Variants in SLC38A8 observed in about 807,000 individuals in gnomAD.
SLC38A8 encodes the protein solute carrier family 38 member 8.
SLC38A8 carries 65 observed loss-of-function variants against 46.0 expected under a neutral mutation model. The observed-to-expected ratio is 1.41, with a 90% CI of 1.16 to 1.74. The LOEUF is 1.74. Among genes scored for constraint, SLC38A8 ranks in the 40% most tolerant of loss-of-function variants. The pLI is 0.00. For synonymous variants in SLC38A8, 447 were observed against 243.7 expected (o/e 1.83, Z -7.77); for missense variants, 998 against 567.9 (o/e 1.76, Z -7.70).
rs370320870 is a variant in SLC38A8, at chr16:84,031,935, G to A, written c.564C>T (p.Ala188=). The change falls in exon 5 of 11, where the codon GCC becomes GCT. Residue 188 remains alanine, a synonymous_variant. Transcript: ENST00000299709. ...GGTAGTACTGCACGGTGATGACCAG[G>A]GCCAGGTAACAGGCAGCCAGAGTGC... ...ILGTLAACYL[A]LVITVQYYLW... The A allele has an allele frequency of 2.5e-6, 4 of 1,614,110 alleles. No homozygotes were observed. Among genetic ancestry groups the A allele is most frequent in the Non-Finnish European group, 3.4e-6 (4 of 1,180,044 alleles).
At chr16:84,026,228 GTGTTT>G (rs111629379) in intron 6 of SLC38A8, among the ~76,000 whole-genome samples, 11 of 152,010 alleles carry the variant, frequency 7.2e-5, no homozygotes, top group South Asian at 2.1e-4. Flanking sequence ...GTTTCTACTG[GTGTTT>G]TGTTTTGTTT....
rs145081221 is a variant in SLC38A8, at chr16:84,021,075, G to T, written c.805+1700C>A. 9.2e-5 allele frequency among the ~76,000 whole-genome samples: 14 copies of T among 152,120 alleles called. No homozygotes were observed. The East Asian group carries it at 2.5e-3, about 27-fold the overall frequency. On this transcript the variant is annotated intron_variant, in intron 7 of 10. Coordinates refer to ENST00000299709, the MANE Select transcript of SLC38A8 (RefSeq NM_001080442.3). ...AGTTCATCCTTTTTTGCCGGCAGGGGAGGGATGACAGAGTCTCATTCTTGT... is the reference window on the plus strand; with the variant it reads ...AGTTCATCCTTTTTTGCCGGCAGGGTAGGGATGACAGAGTCTCATTCTTGT...
intron 7 of SLC38A8, among the ~76,000 whole-genome samples, chr16:84,020,586 G>T (rs1325902988): frequency 6.6e-6 from 1 of 152,226 alleles, no homozygotes; most frequent in East Asian, 1.9e-4. Context: ...GCACGAGCCA[G>T]ATCAGGGGCC....
At chr16:84,021,711 G>C (rs1276412189) in intron 7 of SLC38A8, among the ~76,000 whole-genome samples, 2 of 152,176 alleles carry the variant, frequency 1.3e-5, no homozygotes, top group African/African-American at 4.8e-5. Context: ...CCCCACTCTT[G>C]ATACCAATTT....
At chr16:84,027,355 A>G (rs751796502) in intron 6 of SLC38A8, among the ~76,000 whole-genome samples, 2 of 150,862 alleles carry the variant, frequency 1.3e-5, no homozygotes, top group Non-Finnish European at 2.9e-5. Context: ...CACAAAAGCA[A>G]AATTAAAACA....
Position 84,017,146 on chromosome 16 carries a change from A to G in SLC38A8, c.947T>C (p.Leu316Pro), listed in dbSNP as rs773967092. Residue 316 changes from leucine (L) to proline (P), a missense_variant, in exon 8 of 11, where the codon CTG (leucine) becomes CCG (proline). By Grantham distance (98) the Leu-to-Pro change is moderately conservative. Transcript: ENST00000299709. ...IVTVYPIVLFLGRSVMQDFWR... is the reference protein window; with the variant it reads ...IVTVYPIVLFPGRSVMQDFWR... ...CCACTGAGCCAGGCCTCACCTCCCC[A>G]GGAAGAGCACGATGGGGTAGACAGT... is the stretch of plus-strand genomic sequence containing the variant. 6.2e-7 allele frequency: 1 copy of G among 1,614,088 alleles called. No homozygotes were observed. Among genetic ancestry groups the G allele is most frequent in the South Asian group, 1.1e-5 (1 of 91,082 alleles).
chr16:84,034,999 G>C (rs28561995), intron 3 of SLC38A8, among the ~76,000 whole-genome samples: 89,401 of 151,980 alleles, frequency 0.59, 26,632 homozygotes, highest in East Asian at 0.85. Context: ...CTAGCACTCC[G>C]TCTCAGAAGC....
At chr16:84,018,245 T>C (rs1231938969) in intron 7 of SLC38A8, among the ~76,000 whole-genome samples, 1 of 144,398 alleles carries the variant, frequency 6.9e-6, no homozygotes, top group African/African-American at 2.6e-5. Flanking sequence ...TTTTTTTTTT[T>C]TTTTTGAGAC....
chr16:84,025,913 G>C (rs1468811647), intron 6 of SLC38A8, among the ~76,000 whole-genome samples: 1 of 152,296 alleles, frequency 6.6e-6, no homozygotes, highest in Non-Finnish European at 1.5e-5. Flanking sequence ...CAGGGGGGAC[G>C]CAACCCCTCT....
At chr16:84,022,465 C>G (rs1482261900) in intron 7 of SLC38A8, among the ~76,000 whole-genome samples, 1 of 152,206 alleles carries the variant, frequency 6.6e-6, no homozygotes, top group African/African-American at 2.4e-5. Context: ...GTCCTTTGAA[C>G]AGCAGGCAGC....
At position 84,013,434 on chromosome 16, in the gene SLC38A8, T is replaced by G. The variant is rs1473474104; in HGVS notation, c.1163-382A>C. ...TTTTGTTGTGTGTGTGTTTTTTTTT[T>G]TTTTTTTTTTTTTTTGAGACGGAGT... On this transcript the variant is annotated intron_variant, in intron 9 of 10. Transcript: ENST00000299709. Among the ~76,000 whole-genome samples the G allele has an allele frequency of 7.2e-4, 92 of 127,028 alleles. 1 individual carries two copies. The highest frequency in any genetic ancestry group is 2.0e-3 in the African/African-American group (71 of 35,396). 83.3% of individuals were successfully genotyped at this position (127,028 alleles called of 152,430 possible). A position where few individuals can be genotyped will look rare whatever the true frequency, so the allele number is the denominator to read the frequency against.
chr16:84,013,679 T>C (rs2084986281), intron 9 of SLC38A8, among the ~76,000 whole-genome samples: 1 of 151,816 alleles, frequency 6.6e-6, no homozygotes, highest in Non-Finnish European at 1.5e-5. Flanking sequence ...TCCGCCCGCC[T>C]TGGCCTCCCA....
rs79191732 is a variant in SLC38A8 at position 84,009,738 on chromosome 16, G to A, written c.*46C>T. Reference sequence around the variant, plus strand: ...CCTGGCTGCATACAGCAGCCACGTAGGGTCAGCCCCCGGAGGGCCCCTTCC... The same window carrying A: ...CCTGGCTGCATACAGCAGCCACGTAAGGTCAGCCCCCGGAGGGCCCCTTCC... On this transcript the variant is annotated 3_prime_UTR_variant, in exon 11 of 11. Transcript: ENST00000299709. 2.4e-3 allele frequency: 3,657 copies of A among 1,553,686 alleles called. 41 individuals carry two copies. In the African/African-American group the frequency reaches 0.039, roughly 16 times the overall value.
intron 7 of SLC38A8, among the ~76,000 whole-genome samples, chr16:84,021,177 C>G (rs943130531): frequency 6.6e-6 from 1 of 152,180 alleles, no homozygotes; most frequent in Non-Finnish European, 1.5e-5. Flanking sequence ...ATACTCCTGC[C>G]TCAACCTCCC....
chr16:84,018,887 G>A (rs1225052046), intron 7 of SLC38A8, among the ~76,000 whole-genome samples: 2 of 152,138 alleles, frequency 1.3e-5, no homozygotes, highest in Non-Finnish European at 1.5e-5. Context: ...TATAAAACTA[G>A]CAGAAGCTAA....
chr16:84,018,450 ACCTCGTGAT>A (rs1406822724), intron 7 of SLC38A8, among the ~76,000 whole-genome samples: 1 of 151,788 alleles, frequency 6.6e-6, no homozygotes, highest in Non-Finnish European at 1.5e-5. Context: ...CGATCTCCTG[ACCTCGTGAT>A]CCACCCGCCC....
At chr16:84,018,243 T>TC (rs2085055206) in intron 7 of SLC38A8, among the ~76,000 whole-genome samples, 1 of 142,732 alleles carries the variant, frequency 7.0e-6, no homozygotes, top group African/African-American at 2.6e-5. Flanking sequence ...TTTTTTTTTT[T>TC]TTTTTTTGAG....
intron 8 of SLC38A8, 73 bp downstream of exon 8, chr16:84,017,067 C>G (rs2085036785): frequency 6.3e-7 from 1 of 1,578,364 alleles, no homozygotes; most frequent in Non-Finnish European, 8.6e-7. Flanking sequence ...TAGCCCACAC[C>G]TGGTACATGC....
At chr16:84,021,808 G>C (rs1419269128) in intron 7 of SLC38A8, among the ~76,000 whole-genome samples, 1 of 152,224 alleles carries the variant, frequency 6.6e-6, no homozygotes, top group Admixed American at 6.5e-5. Flanking sequence ...TACAGTTATG[G>C]AGATTGAGAA....
Sources: allele counts gnomAD v4.1 joint callset (sites outside exome capture counted in the v4.1 genomes callset), GRCh38; gene constraint gnomAD v4.1.1; transcripts MANE v1.5; gene names NCBI Gene and HGNC (gene_info 2026-07-23, HGNC 2026-07-21).